The following CSNK1D variants were observed in gnomAD, a reference collection of about 807,000 sequenced individuals.
The protein encoded by CSNK1D is casein kinase 1 delta, also known as casein kinase I isoform delta.
In CSNK1D, 16 loss-of-function variants were observed where a neutral mutation model predicts 46.6. That is an observed-to-expected ratio of 0.34 (90% CI 0.23 to 0.52). CSNK1D has a LOEUF of 0.52. Ranked by LOEUF, CSNK1D falls within the 20% of genes least tolerant of loss-of-function variation. The pLI is 0.95. For synonymous variants in CSNK1D, 276 were observed against 228.2 expected, an observed-to-expected ratio of 1.21 and a Z score of -1.89; for missense variants, 398 against 578.4, an observed-to-expected ratio of 0.69 and a Z score of 3.20.
chr17:82,273,239 C>T lies in CSNK1D; in HGVS notation c.76+67G>A. ...GGGGGCCACCACTTCCTTCCGCGAT[C>T]GCGCTTGGTCTTGGCAGCCGCAGGG... On this transcript the variant is annotated intron_variant, in intron 1 of 8. Coordinates refer to ENST00000314028, the MANE Select transcript of CSNK1D (RefSeq NM_001893.6). The surrounding 1 kb of genome is among the most constrained non-coding windows in gnomAD (Gnocchi z 5.1). 2 of 1,495,710 alleles carry T rather than the reference C, an allele frequency of 1.3e-6. No individual in the cohort carries two copies. Among genetic ancestry groups the T allele is most frequent in the South Asian group, 1.2e-5 (1 of 85,252 alleles). The allele number at this position is 1,495,710 out of a possible 1,614,324, so 92.7% of individuals were successfully genotyped here.
intron 2 of CSNK1D, among the ~76,000 whole-genome samples, chr17:82,259,693 T>C (rs1281574062): frequency 1.3e-5 from 2 of 152,202 alleles, no homozygotes; most frequent in African/African-American, 2.4e-5. Context: ...CTCAACGCAG[T>C]ATGAGTCAGA....
chr17:82,240,139 G>C, downstream of CSNK1D: 3 of 1,118,880 alleles, frequency 2.7e-6, no homozygotes, highest in Non-Finnish European at 3.4e-6. Context: ...GCGCCAGCTG[G>C]GCTTGAGCTC....
intron 2 of CSNK1D, among the ~76,000 whole-genome samples, chr17:82,259,764 G>T (rs73366247): frequency 0.012 from 1,861 of 152,342 alleles, 42 homozygotes; most frequent in African/African-American, 0.041. Flanking sequence ...ACCTAGAGCT[G>T]CAATCGATGG....
rs765901961 is a variant in CSNK1D, at chr17:82,273,415, G to A, written c.-34C>T. 1.9e-6 allele frequency: 3 copies of A among 1,608,706 alleles called. No individual in the cohort carries two copies. Among genetic ancestry groups the A allele is most frequent in the Non-Finnish European group, 2.5e-6 (3 of 1,178,702 alleles). On this transcript the variant is annotated 5_prime_UTR_variant, in exon 1 of 9. Coordinates refer to ENST00000314028, the MANE Select transcript of CSNK1D (RefSeq NM_001893.6). This position sits in a 1 kb window ranked among gnomAD's most constrained non-coding sequence, Gnocchi z 5.1. The stretch of plus-strand genomic sequence containing the variant: ...CGGCCCGATTCGCTCCTGCCCTCCC[G>A]GCCGCTTCCTGGGTCTGAACTCTGG...
At chr17:82,265,594 GT>G in intron 2 of CSNK1D, 91 bp downstream of exon 2, 1 of 1,023,468 alleles carries the variant, frequency 9.8e-7, no homozygotes. Flanking sequence ...CCCAGAACCA[GT>G]TTTGGGTTTA....
intron 2 of CSNK1D, among the ~76,000 whole-genome samples, chr17:82,260,728 G>GATGGTGT (rs1283273047): frequency 7.0e-6 from 1 of 142,772 alleles, no homozygotes; most frequent in Non-Finnish European, 1.5e-5. Context: ...TGTACTGACT[G>GATGGTGT]ACGGTGTACC....
downstream of CSNK1D, among the ~76,000 whole-genome samples, chr17:82,240,595 G>A (rs2050729345): frequency 6.6e-6 from 1 of 152,178 alleles, no homozygotes. Context: ...CCTCCCCTAG[G>A]CAGGAAGCAG....
rs1384043729 is a variant in CSNK1D at position 82,244,135 on chromosome 17, C to T, written c.*646G>A. 12 of 995,682 alleles carry T rather than the reference C, an allele frequency of 1.2e-5. No homozygotes were observed. The highest frequency in any genetic ancestry group is 7.0e-5 in the African/African-American group (4 of 57,322). 61.7% of individuals were successfully genotyped at this position (995,682 alleles called of 1,614,324 possible). Reference sequence around the variant, plus strand: ...CAGGTTGAAGAGGTCCCACCACACACGGGCACACACACACACCACGGACTT... The same window carrying T: ...CAGGTTGAAGAGGTCCCACCACACATGGGCACACACACACACCACGGACTT... On this transcript the variant is annotated 3_prime_UTR_variant, in exon 9 of 9. Coordinates refer to ENST00000314028, the MANE Select transcript of CSNK1D (RefSeq NM_001893.6).
At chr17:82,272,807 G>A (rs576765206) in intron 1 of CSNK1D, among the ~76,000 whole-genome samples, 2 of 152,214 alleles carry the variant, frequency 1.3e-5, no homozygotes, top group African/African-American at 4.8e-5. Flanking sequence ...GGAAGAAAGA[G>A]CGTGGCCTTT....
In CSNK1D at chr17:82,251,527, G is replaced by A. The variant is rs1390518373; in HGVS notation, c.737C>T (p.Ser246Phe). 1 of 1,613,928 alleles carries A rather than the reference G, an allele frequency of 6.2e-7. No individual in the cohort carries two copies. The highest frequency in any genetic ancestry group is 8.5e-7 in the Non-Finnish European group (1 of 1,179,956). ...PIEVLCKGYP[S>F]EFATYLNFCR... The stretch of plus-strand genomic sequence containing the variant: ...GAAATTCAGGTATGTGGCAAATTCG[G>A]CTACAAAACAAGAAACTCAAAGCTA... Residue 246 changes from serine to phenylalanine, a missense_variant and splice_region_variant, in exon 6 of 9, where the codon TCC becomes TTC. Coordinates refer to ENST00000314028, the MANE Select transcript of CSNK1D (RefSeq NM_001893.6). This position sits in a 1 kb window ranked among gnomAD's most constrained non-coding sequence, Gnocchi z 4.5.
In CSNK1D at chr17:82,248,645, G is replaced by A. The variant is rs1004149797; in HGVS notation, c.1197+230C>T. ...TGCTGGCCTCAGGGACCTGAGACCT[G>A]AGACTGGCCACCTGCAACCAGGAGA... On this transcript the variant is annotated intron_variant, in intron 8 of 8. Transcript: ENST00000314028. The surrounding 1 kb of genome is among the most constrained non-coding windows in gnomAD (Gnocchi z 4.1). 9.4e-6 allele frequency: 13 copies of A among 1,387,148 alleles called. No individual in the cohort carries two copies. Among genetic ancestry groups the A allele is most frequent in the Non-Finnish European group, 1.2e-5 (13 of 1,068,800 alleles). 85.9% of individuals were successfully genotyped at this position (1,387,148 alleles called of 1,614,324 possible). A position where few individuals can be genotyped will look rare whatever the true frequency, so the allele number is the denominator to read the frequency against.
At chr17:82,245,112 G>A (rs2050817084) in intron 8 of CSNK1D, 1 of 583,364 alleles carries the variant, frequency 1.7e-6, no homozygotes, top group South Asian at 2.0e-5. Flanking sequence ...GCGGAGACGG[G>A]TGCTCCTGCC....
intron 1 of CSNK1D, among the ~76,000 whole-genome samples, chr17:82,269,942 G>A (rs1362935687): frequency 6.6e-6 from 1 of 152,244 alleles, no homozygotes; most frequent in African/African-American, 2.4e-5. Flanking sequence ...GCCAGCATAA[G>A]TGAAAGAACT....
At position 82,248,224 on chromosome 17, in the gene CSNK1D, T is replaced by C. The variant is rs921635091; in HGVS notation, c.1197+651A>G. ...TATAATGGATCCATATGGAGAAAGCTGTTCTAGTTCAAAGAGCACGTTAGC... is the reference window on the plus strand; with the variant it reads ...TATAATGGATCCATATGGAGAAAGCCGTTCTAGTTCAAAGAGCACGTTAGC... On this transcript the variant is annotated intron_variant, in intron 8 of 8. Transcript: ENST00000314028. The surrounding 1 kb of genome is among the most constrained non-coding windows in gnomAD (Gnocchi z 4.1). 2 of 985,668 alleles carry C rather than the reference T, an allele frequency of 2.0e-6. No homozygotes were observed. Among genetic ancestry groups the C allele is most frequent in the Middle Eastern group, 5.2e-4 (1 of 1,938 alleles). 61.1% of individuals were successfully genotyped at this position (985,668 alleles called of 1,614,324 possible).
At position 82,250,518 on chromosome 17, in the gene CSNK1D, C is replaced by A. The variant is rs899043339; in HGVS notation, c.885+861G>T. 4.8e-5 allele frequency: 12 copies of A among 251,732 alleles called. No individual in the cohort carries two copies. Among genetic ancestry groups the A allele is most frequent in the South Asian group, 3.7e-4 (10 of 27,100 alleles). 15.6% of individuals were successfully genotyped at this position (251,732 alleles called of 1,614,324 possible). A position where few individuals can be genotyped will look rare whatever the true frequency, so the allele number is the denominator to read the frequency against. On this transcript the variant is annotated intron_variant, in intron 6 of 8. Transcript: ENST00000314028. This position sits in a 1 kb window ranked among gnomAD's most constrained non-coding sequence, Gnocchi z 4.6. ...GCCCTGCCGAGTGCACCCCTCCCGG[C>A]ACCTGGGCCCCGAGGCTCGGGCCTG...
intron 8 of CSNK1D, chr17:82,245,976 C>G (rs368286695): frequency 6.2e-7 from 1 of 1,602,800 alleles, no homozygotes; most frequent in Non-Finnish European, 8.5e-7. Context: ...GCACACTCAC[C>G]CAGTGCTGCC....
chr17:82,256,843 G>A (rs973292231), intron 2 of CSNK1D, among the ~76,000 whole-genome samples: 2 of 152,112 alleles, frequency 1.3e-5, no homozygotes, highest in Admixed American at 6.5e-5. Flanking sequence ...ACACACATAC[G>A]GCTTGTGAAC....
intron 2 of CSNK1D, among the ~76,000 whole-genome samples, chr17:82,256,210 A>C (rs2051170695): frequency 6.6e-6 from 1 of 152,234 alleles, no homozygotes; most frequent in Non-Finnish European, 1.5e-5. Flanking sequence ...AGGCATAATC[A>C]ACACTATAAA....
intron 2 of CSNK1D, among the ~76,000 whole-genome samples, chr17:82,258,824 G>A (rs1204571900): frequency 1.3e-5 from 2 of 152,312 alleles, no homozygotes; most frequent in African/African-American, 4.8e-5. Flanking sequence ...CCTGAGGCCC[G>A]GTGTGCTCAG....
Sources: allele counts gnomAD v4.1 joint callset (sites outside exome capture counted in the v4.1 genomes callset), GRCh38; gene constraint gnomAD v4.1.1; non-coding constraint Gnocchi (gnomAD v3.1); transcripts MANE v1.5; gene names NCBI Gene and HGNC (gene_info 2026-07-23, HGNC 2026-07-21).